The following ARHGAP26 variants were observed in gnomAD, a reference collection of about 807,000 sequenced individuals.
The protein encoded by ARHGAP26 is rho GTPase-activating protein 26.
A neutral mutation model predicts 104.8 loss-of-function variants in ARHGAP26; 38 were observed. That is an observed-to-expected ratio of 0.36 (90% CI 0.28 to 0.48). The LOEUF is 0.48. ARHGAP26 is among the 20% of genes least tolerant of loss of function. The pLI is 0.99. For synonymous variants in ARHGAP26, 341 were observed against 340.0 expected, an observed-to-expected ratio of 1.00 and a Z score of -0.03; for missense variants, 704 against 947.9, an observed-to-expected ratio of 0.74 and a Z score of 3.38.
intron 18 of ARHGAP26, among the ~76,000 whole-genome samples, chr5:143,128,086 G>C (rs3776299): frequency 6.6e-6 from 1 of 152,024 alleles, no homozygotes; most frequent in Admixed American, 6.5e-5. Flanking sequence ...CTTGGGTGTT[G>C]AGCTAGAATG....
chr5:143,047,923 G>A (rs374469269), intron 14 of ARHGAP26, among the ~76,000 whole-genome samples: 78 of 151,914 alleles, frequency 5.1e-4, no homozygotes, highest in African/African-American at 1.8e-3. Flanking sequence ...CAGTGAGGTA[G>A]GAACCTCCTA....
chr5:143,215,266 C>G (rs1810164859), intron 22 of ARHGAP26, among the ~76,000 whole-genome samples: 1 of 152,244 alleles, frequency 6.6e-6, no homozygotes, highest in Non-Finnish European at 1.5e-5. Flanking sequence ...GCTTAAAGGT[C>G]TGTCCTCTAA....
intron 1 of ARHGAP26, among the ~76,000 whole-genome samples, chr5:142,821,362 G>A (rs1200668805): frequency 1.3e-5 from 2 of 148,370 alleles, no homozygotes; most frequent in Non-Finnish European, 3.0e-5. Flanking sequence ...TTACAGAGGT[G>A]GGAGGTTCTT....
At chr5:143,072,257 A>G (rs1173396187) in intron 17 of ARHGAP26, among the ~76,000 whole-genome samples, 1 of 152,206 alleles carries the variant, frequency 6.6e-6, no homozygotes, top group Non-Finnish European at 1.5e-5. Flanking sequence ...AAAAAAATAA[A>G]TGCTGGAGAG....
chr5:143,084,268 A>T (rs1418463725), intron 17 of ARHGAP26, among the ~76,000 whole-genome samples: 1 of 152,362 alleles, frequency 6.6e-6, no homozygotes, highest in Non-Finnish European at 1.5e-5. Flanking sequence ...TTTTCACTAT[A>T]TGCTATTAAA....
At chr5:142,793,773 A>G (rs928054475) in intron 1 of ARHGAP26, among the ~76,000 whole-genome samples, 14 of 151,878 alleles carry the variant, frequency 9.2e-5, no homozygotes, top group African/African-American at 3.4e-4. Context: ...TTTTAAGTAG[A>G]TACGGGGTTT....
chr5:142,905,915 G>C (rs1328119942), intron 8 of ARHGAP26, among the ~76,000 whole-genome samples: 2 of 152,130 alleles, frequency 1.3e-5, no homozygotes, highest in Non-Finnish European at 2.9e-5. Context: ...GCCTTCTAAA[G>C]CATTTTGTTG....
At chr5:143,070,715 G>A (rs1788116884) in intron 17 of ARHGAP26, among the ~76,000 whole-genome samples, 1 of 152,116 alleles carries the variant, frequency 6.6e-6, no homozygotes, top group Non-Finnish European at 1.5e-5. Flanking sequence ...TTCCAGACCG[G>A]CCTGGCTAAT....
At chr5:142,902,616 C>A (rs1261527441) in intron 7 of ARHGAP26, among the ~76,000 whole-genome samples, 2 of 152,214 alleles carry the variant, frequency 1.3e-5, no homozygotes, top group East Asian at 3.9e-4. Flanking sequence ...GGCTTGAGCC[C>A]CCTTCTTCAC....
chr5:143,189,789 C>T (rs914258656), intron 20 of ARHGAP26, among the ~76,000 whole-genome samples: 17 of 152,106 alleles, frequency 1.1e-4, no homozygotes, highest in African/African-American at 4.1e-4. Context: ...GTGTTCTCGC[C>T]CACCCTACCT....
chr5:143,065,089 ACT>A (rs1562358256), intron 17 of ARHGAP26, among the ~76,000 whole-genome samples: 1 of 152,114 alleles, frequency 6.6e-6, no homozygotes, highest in Non-Finnish European at 1.5e-5. Context: ...GGAGGAAGAC[ACT>A]CTGTTTTTCT....
At chr5:143,126,100 C>G (rs996115972) in intron 18 of ARHGAP26, among the ~76,000 whole-genome samples, 2 of 152,176 alleles carry the variant, frequency 1.3e-5, no homozygotes, top group Non-Finnish European at 2.9e-5. Context: ...ATACAGTGTG[C>G]TAAATGACCT....
rs1811421939 is a variant in ARHGAP26, at chr5:143,223,370, C to T, written c.*924C>T. ...CCTTTCTGATTAATTTCAGCAGCAT[C>T]GGAATATATTTGGAGCACACCCTAG... On this transcript the variant is annotated 3_prime_UTR_variant, in exon 23 of 23. Transcript: ENST00000645722. 1.3e-5 allele frequency: 3 copies of T among 232,528 alleles called. No individual in the cohort carries two copies. The highest frequency in any genetic ancestry group is 1.7e-5 in the Non-Finnish European group (2 of 117,402). 14.4% of individuals were successfully genotyped at this position (232,528 alleles called of 1,614,324 possible).
chr5:142,832,466 G>T (rs950825949), intron 1 of ARHGAP26, among the ~76,000 whole-genome samples: 20 of 152,348 alleles, frequency 1.3e-4, no homozygotes. Flanking sequence ...CCTGCAGCAG[G>T]ACCTGACCTT....
chr5:143,057,498 C>T, intron 16 of ARHGAP26, 144 bp from the exon 17 acceptor site: 1 of 665,874 alleles, frequency 1.5e-6, no homozygotes, highest in Non-Finnish European at 2.6e-6. Flanking sequence ...GCTGGCCACG[C>T]AGTATGCACA....
At chr5:143,131,473 G>A (rs1275597948) in intron 18 of ARHGAP26, among the ~76,000 whole-genome samples, 2 of 152,156 alleles carry the variant, frequency 1.3e-5, no homozygotes, top group African/African-American at 2.4e-5. Flanking sequence ...CAGGCCTATC[G>A]CTAACTCTGA....
chr5:142,847,459 GC>G, intron 1 of ARHGAP26, among the ~76,000 whole-genome samples: 1 of 152,164 alleles, frequency 6.6e-6, no homozygotes, highest in Middle Eastern at 3.4e-3. Context: ...CCGGGTTCAA[GC>G]CATTCTCCTG....
chr5:142,990,974 C>G (rs1302333568), intron 11 of ARHGAP26, among the ~76,000 whole-genome samples: 2 of 152,194 alleles, frequency 1.3e-5, no homozygotes, highest in African/African-American at 2.4e-5. Flanking sequence ...GGGAGAACCA[C>G]TACTCTCTTC....
At chr5:142,991,320 T>C (rs1344890669) in intron 11 of ARHGAP26, among the ~76,000 whole-genome samples, 3 of 152,154 alleles carry the variant, frequency 2.0e-5, no homozygotes, top group Non-Finnish European at 2.9e-5. Flanking sequence ...AAAAGCGCAG[T>C]ATTAGGGTGG....
Sources: gnomAD v4.1 joint callset for allele counts (sites outside exome capture counted in the v4.1 genomes callset) on GRCh38, gnomAD v4.1.1 for gene constraint, MANE v1.5 for transcripts, NCBI Gene and HGNC (gene_info 2026-07-23, HGNC 2026-07-21) for gene names.